The following NPRL3 variants were observed in gnomAD, a reference collection of about 807,000 sequenced individuals.
NPRL3 encodes the protein GATOR1 complex protein NPRL3.
A neutral mutation model predicts 57.2 loss-of-function variants in NPRL3; 23 were observed. The ratio of observed to expected loss-of-function variants is 0.40; its 90% CI spans 0.29 to 0.57. The LOEUF is 0.57. Among genes scored for constraint, NPRL3 ranks in the 20% least tolerant of loss-of-function variants. The pLI, the probability that NPRL3 is intolerant of heterozygous loss-of-function variation, is 0.42. For missense variants in NPRL3, 691 were observed against 767.1 expected, an observed-to-expected ratio of 0.90 and a Z score of 1.17; for synonymous variants, 333 against 321.1, an observed-to-expected ratio of 1.04 and a Z score of -0.39.
chr16:87,598 G>T (rs878950805), intron 13 of NPRL3, among the ~76,000 whole-genome samples: 1 of 148,574 alleles, frequency 6.7e-6, no homozygotes, highest in Non-Finnish European at 1.5e-5. Context: ...GCAGTGGCGC[G>T]ATCTGGGCTC....
chr16:100,755 G>T (rs1320199759), intron 7 of NPRL3, among the ~76,000 whole-genome samples: 8 of 117,674 alleles, frequency 6.8e-5, no homozygotes, highest in Admixed American at 4.7e-4. Context: ...GGATCACGAG[G>T]TCAGCAGTTC....
intron 7 of NPRL3, among the ~76,000 whole-genome samples, chr16:107,829 G>T (rs961495206): frequency 2.0e-5 from 3 of 152,120 alleles, no homozygotes; most frequent in Admixed American, 1.3e-4. Flanking sequence ...CACCAGCTTG[G>T]TTTTTATTTT....
intron 5 of NPRL3, 138 bp downstream of exon 5, chr16:117,163 G>A (rs1900079163): frequency 6.6e-6 from 4 of 610,674 alleles, no homozygotes; most frequent in Non-Finnish European, 1.2e-5. Flanking sequence ...AAACAATGAA[G>A]TGCAGTCTGC....
intron 13 of NPRL3, among the ~76,000 whole-genome samples, chr16:87,084 C>T (rs1478329880): frequency 3.3e-5 from 5 of 152,212 alleles, no homozygotes; most frequent in Non-Finnish European, 5.9e-5. Context: ...ACCAGGTGGG[C>T]GGAGTGGGTT....
chr16:99,298 G>C (rs1899163999), intron 8 of NPRL3, among the ~76,000 whole-genome samples: 1 of 152,166 alleles, frequency 6.6e-6, no homozygotes, highest in Non-Finnish European at 1.5e-5. Flanking sequence ...GGTATTGGGG[G>C]ACTTGGGAAC....
At chr16:96,664 AAAAAAATAT>A (rs1277262210) in intron 9 of NPRL3, among the ~76,000 whole-genome samples, 1 of 151,234 alleles carries the variant, frequency 6.6e-6, no homozygotes, top group African/African-American at 2.4e-5. Flanking sequence ...AAAAAAAAAA[AAAAAAATAT>A]TAGCCAGGCG....
chr16:89,223 C>T, intron 12 of NPRL3: 1 of 346,896 alleles, frequency 2.9e-6, no homozygotes, highest in Non-Finnish European at 5.3e-6. Context: ...CAGGTGGGGT[C>T]CTCACATGAA....
chr16:85,401 G>T lies in NPRL3; in HGVS notation c.*1304C>A. On this transcript the variant is annotated 3_prime_UTR_variant, in exon 14 of 14. Coordinates refer to ENST00000611875, the MANE Select transcript of NPRL3 (RefSeq NM_001077350.3). ...CACTTCCAAACTGTCCGTCCCACAG[G>T]GGACGGGGCTTGCGTCTTGCTGCGA... 6 of 1,600,940 alleles carry T rather than the reference G, an allele frequency of 3.7e-6. No individual in the cohort carries two copies. Among genetic ancestry groups the T allele is most frequent in the Non-Finnish European group, 5.1e-6 (6 of 1,172,902 alleles).
At position 138,277 on chromosome 16, in the gene NPRL3, G is replaced by A. The variant is rs762066691; in HGVS notation, c.-10C>T. ...TGGTGTTGTCCCGCATCCCGCCGTG[G>A]GGCCGGGGCCGGGGGCGGAGGGGGC... On this transcript the variant is annotated 5_prime_UTR_variant, in exon 2 of 14. Transcript: ENST00000611875. 9 of 1,583,400 alleles carry A rather than the reference G, an allele frequency of 5.7e-6. No homozygotes were observed. Among genetic ancestry groups the A allele is most frequent in the African/African-American group, 5.4e-5 (4 of 73,794 alleles).
intron 7 of NPRL3, among the ~76,000 whole-genome samples, chr16:105,505 C>T (rs1375371679): frequency 1.3e-4 from 4 of 30,898 alleles, no homozygotes; most frequent in Admixed American, 3.8e-4. Flanking sequence ...GAAATGGGTA[C>T]TACAACTCAG....
intron 2 of NPRL3, among the ~76,000 whole-genome samples, chr16:136,033 C>T (rs1230397442): frequency 1.3e-5 from 2 of 152,164 alleles, no homozygotes; most frequent in East Asian, 1.9e-4. Context: ...TTTTCACCTA[C>T]CAGATTAACA....
At chr16:95,350 T>TACATACACACACACACACACACACACAC (rs1898955605) in intron 9 of NPRL3, among the ~76,000 whole-genome samples, 1 of 110,990 alleles carries the variant, frequency 9.0e-6, no homozygotes, top group African/African-American at 3.7e-5. Flanking sequence ...TATATATATA[T>TACATACACACACACACACACACACACAC]ACACACACAC....
At chr16:112,890 G>A (rs563906172) in intron 5 of NPRL3, 115 bp from the exon 6 acceptor site, 95 of 1,013,230 alleles carry the variant, frequency 9.4e-5, no homozygotes, top group Non-Finnish European at 1.2e-4. Flanking sequence ...GAAAGAAAGC[G>A]TCTCTACTCC....
At chr16:88,533 TGG>T (rs1567128567) in intron 13 of NPRL3, among the ~76,000 whole-genome samples, 163 bp downstream of exon 13, 1 of 152,150 alleles carries the variant, frequency 6.6e-6, no homozygotes, top group Non-Finnish European at 1.5e-5. Flanking sequence ...CCCTCAGGCC[TGG>T]GCAGTGGCAC....
intron 9 of NPRL3, among the ~76,000 whole-genome samples, chr16:96,367 G>C (rs997005766): frequency 6.6e-6 from 1 of 152,144 alleles, no homozygotes; most frequent in African/African-American, 2.4e-5. Flanking sequence ...TTTACCATGT[G>C]GTCGGTGCTC....
In NPRL3 at chr16:97,786, G is replaced by A. The variant is rs375169077; in HGVS notation, c.924+359C>T. 7.1e-4 allele frequency among the ~76,000 whole-genome samples: 108 copies of A among 152,230 alleles called. 1 individual carries two copies. In the South Asian group the frequency reaches 0.022, roughly 30 times the overall value. ...CCCTTAGTTCCCGTATGTTGTTCAT[G>A]CACCACTGTGAGACCCCCATGGCCC... On this transcript the variant is annotated intron_variant, in intron 9 of 13. Coordinates refer to ENST00000611875, the MANE Select transcript of NPRL3 (RefSeq NM_001077350.3).
At chr16:104,651 G>C (rs796823266) in intron 7 of NPRL3, among the ~76,000 whole-genome samples, 24 of 152,322 alleles carry the variant, frequency 1.6e-4, no homozygotes, top group African/African-American at 5.8e-4. Flanking sequence ...ATTTTCCCAA[G>C]CATCAGCTCA....
chr16:135,608 C>CAAAAAA (rs555589072), intron 2 of NPRL3, among the ~76,000 whole-genome samples: 2 of 56,846 alleles, frequency 3.5e-5, no homozygotes, highest in Non-Finnish European at 7.5e-5. Flanking sequence ...GACTCTGTCT[C>CAAAAAA]AAAAAAAAAA....
At chr16:88,270 A>G (rs959068478) in intron 13 of NPRL3, among the ~76,000 whole-genome samples, 7 of 151,750 alleles carry the variant, frequency 4.6e-5, no homozygotes, top group Non-Finnish European at 8.8e-5. Flanking sequence ...AGTCCCAGCT[A>G]CTCAGGAGGC....
Sources: allele counts gnomAD v4.1 joint callset (sites outside exome capture counted in the v4.1 genomes callset), GRCh38; gene constraint gnomAD v4.1.1; transcripts MANE v1.5; gene names NCBI Gene and HGNC (gene_info 2026-07-23, HGNC 2026-07-21).